PCDHGB2: variants seen among roughly 807,000 people sequenced by gnomAD.
PCDHGB2 encodes the protein protocadherin gamma subfamily B, 2, also known as protocadherin gamma-B2.
Under a neutral mutation model 59.3 loss-of-function variants are expected in PCDHGB2, and 55 were observed. The observed-to-expected ratio is 0.93, with a 90% CI of 0.75 to 1.16. PCDHGB2 has a LOEUF of 1.16. Ranked by LOEUF, PCDHGB2 falls within the 50% of genes most tolerant of loss-of-function variation. PCDHGB2 has a pLI of 0.00. For missense variants in PCDHGB2, 1,228 were observed against 1,198.5 expected (o/e 1.02, Z -0.36); for synonymous variants, 516 against 512.0 (o/e 1.01, Z -0.11).
In PCDHGB2 at chr5:141,384,637, C is replaced by T. The variant is rs764454496; in HGVS notation, c.2421+22081C>T. On this transcript the variant is annotated intron_variant, in intron 1 of 3. Transcript: ENST00000522605. ...TTCTACTGGCATGGAGCTGGCACCC[C>T]GCTCCGCAGAGCCCGGCTACCTGGT... is the stretch of plus-strand genomic sequence containing the variant. The T allele has an allele frequency of 1.7e-5, 28 of 1,614,114 alleles. No individual in the cohort carries two copies. The highest frequency in any genetic ancestry group is 1.6e-4 in the Middle Eastern group (1 of 6,082).
rs1449032006 is a variant in PCDHGB2 at position 141,438,617 on chromosome 5, TATATATATATATATATATAC to T, written c.2422-56188_2422-56169del. 2.9e-3 allele frequency among the ~76,000 whole-genome samples: 107 copies of T among 37,156 alleles called. 1 individual carries two copies. Among genetic ancestry groups the T allele is most frequent in the South Asian group, 0.015 (15 of 996 alleles). 24.4% of individuals were successfully genotyped at this position (37,156 alleles called of 152,430 possible). On this transcript the variant is annotated intron_variant, in intron 1 of 3. Transcript: ENST00000522605. Reference sequence around the variant, plus strand: ...ATATATATATATATATATATATATATATATATATATATATATATACACACACACACACACATATATGTATA... The same window carrying T: ...ATATATATATATATATATATATATATACACACACACACACATATATGTATA...
At position 141,431,359 on chromosome 5, in the gene PCDHGB2, G is replaced by C; in HGVS notation, c.2422-63448G>C. ...CCGAATTGGTGCTGAAACGCGCCCT[G>C]GACCGCGAAGAAAAGGCTGCTCACC... On this transcript the variant is annotated intron_variant, in intron 1 of 3. Coordinates refer to ENST00000522605, the MANE Select transcript of PCDHGB2 (RefSeq NM_018923.3). This position sits in a 1 kb window ranked among gnomAD's most constrained non-coding sequence, Gnocchi z 4.8. The C allele has an allele frequency of 6.2e-7, 1 of 1,614,024 alleles. No homozygotes were observed. Among genetic ancestry groups the C allele is most frequent in the Non-Finnish European group, 8.5e-7 (1 of 1,180,030 alleles).
Position 141,475,871 on chromosome 5 carries a change from A to C in PCDHGB2, c.2422-18936A>C, listed in dbSNP as rs568810142. 35 of 513,270 alleles carry C rather than the reference A, an allele frequency of 6.8e-5. No individual in the cohort carries two copies. The East Asian group carries it at 1.1e-3, about 16-fold the overall frequency. The allele number at this position is 513,270 out of a possible 1,614,324, so 31.8% of individuals were successfully genotyped here. The stretch of plus-strand genomic sequence containing the variant: ...CCCGGCGCTAGCTCATTCTTCGTGC[A>C]GTTATTGGCTGGGACTCTGTGTGCC... On this transcript the variant is annotated intron_variant, in intron 1 of 3. Transcript: ENST00000522605.
chr5:141,360,653 A>T lies in PCDHGB2; in HGVS notation c.518A>T (p.Asn173Ile). 6.2e-7 allele frequency: 1 copy of T among 1,614,020 alleles called. No homozygotes were observed. Among genetic ancestry groups the T allele is most frequent in the Non-Finnish European group, 8.5e-7 (1 of 1,179,900 alleles). Residue 173 changes from asparagine (N) to isoleucine (I), a missense_variant, in exon 1 of 4, where the codon AAT becomes ATT. Coordinates refer to ENST00000522605, the MANE Select transcript of PCDHGB2 (RefSeq NM_018923.3). ...AACTCACTACAAAGATACCACCTTAATGACAACGAGTACTTTGATCTCGCT... is the reference window on the plus strand; with the variant it reads ...AACTCACTACAAAGATACCACCTTATTGACAACGAGTACTTTGATCTCGCT... ...GPNSLQRYHL[N>I]DNEYFDLAEK...
rs749514405 is a variant in PCDHGB2, at chr5:141,361,238, T to A, written c.1103T>A (p.Leu368Ter). The A allele has an allele frequency of 1.9e-6, 3 of 1,613,980 alleles. No individual in the cohort carries two copies. The Admixed American group carries it at 5.0e-5, about 27-fold the overall frequency. ...TCGCCACCAGGAACAGTGATCGCCT[T>A]GATAAAAACGAGAGACAGAGACTCT... is the stretch of plus-strand genomic sequence containing the variant. ...EDSPPGTVIA[L>*]IKTRDRDSGE... Residue 368 changes from leucine (L) to a stop codon, truncating the protein, a stop_gained, in exon 1 of 4, where the codon TTG becomes TAG. Coordinates refer to ENST00000522605, the MANE Select transcript of PCDHGB2 (RefSeq NM_018923.3). LOFTEE classifies it high-confidence loss of function.
At position 141,491,187 on chromosome 5, in the gene PCDHGB2, G is replaced by A. The variant is rs2099709293; in HGVS notation, c.2422-3620G>A. ...CCCAGCAGGTGGTGGTCCTGGTGAG[G>A]GACAATGGTGACCCTTCACTCTCCT... On this transcript the variant is annotated intron_variant, in intron 1 of 3. Coordinates refer to ENST00000522605, the MANE Select transcript of PCDHGB2 (RefSeq NM_018923.3). The surrounding 1 kb of genome is among the most constrained non-coding windows in gnomAD (Gnocchi z 6.9). The A allele has an allele frequency of 6.2e-7, 1 of 1,614,064 alleles. No homozygotes were observed. The highest frequency in any genetic ancestry group is 1.1e-5 in the South Asian group (1 of 91,080).
Position 141,409,574 on chromosome 5 carries a change from G to C in PCDHGB2, c.2421+47018G>C, listed in dbSNP as rs752388742. ...CCCAGTTTTCGACCAGACGTCCTACGTGGTCCACGTGGCCGAGAACAACCC... is the reference window on the plus strand; with the variant it reads ...CCCAGTTTTCGACCAGACGTCCTACCTGGTCCACGTGGCCGAGAACAACCC... On this transcript the variant is annotated intron_variant, in intron 1 of 3. Coordinates refer to ENST00000522605, the MANE Select transcript of PCDHGB2 (RefSeq NM_018923.3). 32 of 1,613,902 alleles carry C rather than the reference G, an allele frequency of 2.0e-5. No individual in the cohort carries two copies. In the East Asian group the frequency reaches 6.9e-4, roughly 35 times the overall value.
chr5:141,504,287 T>C (rs1191226511), intron 2 of PCDHGB2, among the ~76,000 whole-genome samples: 2 of 152,166 alleles, frequency 1.3e-5, no homozygotes, highest in Non-Finnish European at 2.9e-5. Flanking sequence ...AATCATTTCA[T>C]GTTTTTTCAA....
intron 1 of PCDHGB2, chr5:141,400,209 G>A: frequency 6.2e-7 from 1 of 1,614,052 alleles, no homozygotes; most frequent in South Asian, 1.1e-5. Context: ...CCTTGGCCTT[G>A]ATCTCAGTGC....
intron 1 of PCDHGB2, among the ~76,000 whole-genome samples, chr5:141,436,478 A>G (rs1360229764): frequency 2.0e-5 from 3 of 152,220 alleles, no homozygotes; most frequent in Non-Finnish European, 4.4e-5. Context: ...TGTATCATAG[A>G]AGGATAGCAG....
intron 1 of PCDHGB2, among the ~76,000 whole-genome samples, chr5:141,469,538 G>A (rs2099204234): frequency 6.6e-6 from 1 of 152,168 alleles, no homozygotes; most frequent in Non-Finnish European, 1.5e-5. Flanking sequence ...TTGTGCCACT[G>A]CACTCCAGCC....
intron 1 of PCDHGB2, chr5:141,383,053 C>G: frequency 6.2e-7 from 1 of 1,613,896 alleles, no homozygotes; most frequent in South Asian, 1.1e-5. Context: ...CGCCAAGGAC[C>G]TGGGGCTGGA....
intron 1 of PCDHGB2, among the ~76,000 whole-genome samples, chr5:141,368,503 C>T (rs1016436156): frequency 3.3e-5 from 5 of 151,860 alleles, no homozygotes; most frequent in African/African-American, 7.3e-5. Flanking sequence ...CAGTAGGTGT[C>T]GACATTATTC....
Position 141,429,390 on chromosome 5 carries a change from A to ATTTT in PCDHGB2, c.2422-65417_2422-65416insTTTT, listed in dbSNP as rs1561841316. ...TGGAGAAAATGTGTTTTTTTTTTAA[A>ATTTT]AAAAATTGAGATTAAGGTCTCATTA... On this transcript the variant is annotated intron_variant, in intron 1 of 3. Coordinates refer to ENST00000522605, the MANE Select transcript of PCDHGB2 (RefSeq NM_018923.3). 1.2e-4 allele frequency among the ~76,000 whole-genome samples: 18 copies of ATTTT among 150,328 alleles called. No homozygotes were observed. In the East Asian group the frequency reaches 1.9e-3, roughly 16 times the overall value.
chr5:141,395,273 A>G, intron 1 of PCDHGB2: 1 of 1,543,700 alleles, frequency 6.5e-7, no homozygotes, highest in Non-Finnish European at 8.7e-7. Context: ...TAATTTCCAG[A>G]TGAATTTTAT....
intron 1 of PCDHGB2, chr5:141,395,711 G>A (rs2093302364): frequency 1.3e-5 from 2 of 154,440 alleles, no homozygotes; most frequent in African/African-American, 4.8e-5. Context: ...CCTGTAACTA[G>A]GCTCTTGTAG....
chr5:141,408,965 C>T lies in PCDHGB2; in HGVS notation c.2421+46409C>T, dbSNP rs767484272. The T allele has an allele frequency of 1.5e-5, 25 of 1,613,688 alleles. No homozygotes were observed. The Admixed American group carries it at 4.2e-4, about 27-fold the overall frequency. On this transcript the variant is annotated intron_variant, in intron 1 of 3. Transcript: ENST00000522605. ...ATATAGAATTAGTCTTAGTGAAAATCTGCCCCCTGGGTCCCCTGTGTTGCA... is the reference window on the plus strand; with the variant it reads ...ATATAGAATTAGTCTTAGTGAAAATTTGCCCCCTGGGTCCCCTGTGTTGCA...
chr5:141,381,817 T>TTTC (rs1262770842), intron 1 of PCDHGB2, among the ~76,000 whole-genome samples: 10 of 136,280 alleles, frequency 7.3e-5, no homozygotes, highest in East Asian at 4.1e-4. Context: ...TCTTTCTTTC[T>TTTC]TTCTTCTTCT....
chr5:141,372,580 C>T (rs1363878149), intron 1 of PCDHGB2: 1 of 1,614,038 alleles, frequency 6.2e-7, no homozygotes, highest in Non-Finnish European at 8.5e-7. Flanking sequence ...TACTTTCAGC[C>T]TGGTGTCTGC....
Sources: gnomAD v4.1 joint callset for allele counts (sites outside exome capture counted in the v4.1 genomes callset) on GRCh38, gnomAD v4.1.1 for gene constraint, Gnocchi (gnomAD v3.1) non-coding constraint, MANE v1.5 for transcripts, NCBI Gene and HGNC (gene_info 2026-07-23, HGNC 2026-07-21) for gene names.